TMEM132B: variants seen among roughly 807,000 people sequenced by gnomAD.
The protein encoded by TMEM132B is transmembrane protein 132B.
In TMEM132B, 18 loss-of-function variants were observed where a neutral mutation model predicts 90.8. The ratio of observed to expected loss-of-function variants is 0.20; its 90% CI spans 0.14 to 0.29. TMEM132B has a LOEUF of 0.29. Ranked by LOEUF, TMEM132B falls within the 10% of genes least tolerant of loss-of-function variation. The pLI, the probability that TMEM132B is intolerant of heterozygous loss-of-function variation, is 1.00. For synonymous variants in TMEM132B, 504 were observed against 523.3 expected, an observed-to-expected ratio of 0.96 and a Z score of 0.50; for missense variants, 1,096 against 1,326.8, an observed-to-expected ratio of 0.83 and a Z score of 2.70.
At chr12:125,401,091 T>A (rs1879307873) in intron 2 of TMEM132B, among the ~76,000 whole-genome samples, 1 of 152,228 alleles carries the variant, frequency 6.6e-6, no homozygotes, top group Non-Finnish European at 1.5e-5. Context: ...AGGGTTCTGA[T>A]GCCTTCACCC....
At chr12:125,588,076 T>C (rs1885222088) in intron 5 of TMEM132B, 1 of 152,126 alleles carries the variant, frequency 6.6e-6, no homozygotes, top group East Asian at 1.9e-4. Context: ...AGTTGAAAGG[T>C]ACCAGTTTTA....
intron 1 of TMEM132B, among the ~76,000 whole-genome samples, chr12:125,276,178 CT>C (rs1309183122): frequency 1.3e-5 from 2 of 152,272 alleles, no homozygotes; most frequent in Admixed American, 1.3e-4. Context: ...TAGTTTACAT[CT>C]GTTGGATATT....
At chr12:125,427,530 G>T (rs1022415666) in intron 3 of TMEM132B, among the ~76,000 whole-genome samples, 1 of 152,148 alleles carries the variant, frequency 6.6e-6, no homozygotes, top group African/African-American at 2.4e-5. Flanking sequence ...CGCTCTTTTC[G>T]CAGTATCAGA....
intron 2 of TMEM132B, among the ~76,000 whole-genome samples, chr12:125,387,564 T>C (rs753176936): frequency 2.0e-5 from 3 of 152,198 alleles, no homozygotes; most frequent in Non-Finnish European, 4.4e-5. Context: ...GAAAAGCTAT[T>C]GTGGATACCT....
Position 125,424,750 on chromosome 12 carries a change from T to A in TMEM132B, c.1106+9073T>A, listed in dbSNP as rs570839410. Among the ~76,000 whole-genome samples, 3 of 152,262 alleles carry A rather than the reference T, an allele frequency of 2.0e-5. No homozygotes were observed. The East Asian group carries it at 5.8e-4, about 30-fold the overall frequency. On this transcript the variant is annotated intron_variant, in intron 3 of 8. Transcript: ENST00000682704. ...GTAAAGGCAGATTTTATTCAGAGAC[T>A]CTTCCTGCAACAGTGGAAAAGAGAC...
chr12:125,613,165 T>A (rs1885899776), intron 5 of TMEM132B, among the ~76,000 whole-genome samples: 1 of 125,110 alleles, frequency 8.0e-6, no homozygotes, highest in Admixed American at 1.0e-4. Context: ...TATATATTTA[T>A]ATATTATATA....
chr12:125,447,229 T>C (rs1881028212), intron 3 of TMEM132B, among the ~76,000 whole-genome samples: 1 of 152,182 alleles, frequency 6.6e-6, no homozygotes. Flanking sequence ...TAATCTGTGG[T>C]CTTACTATGT....
chr12:125,639,995 G>A (rs140687437), intron 5 of TMEM132B, among the ~76,000 whole-genome samples: 12 of 152,256 alleles, frequency 7.9e-5, no homozygotes, highest in Admixed American at 2.0e-4. Flanking sequence ...TCGAGGGCCC[G>A]GGTTCCTTAG....
intron 1 of TMEM132B, among the ~76,000 whole-genome samples, chr12:125,312,817 C>G (rs574444002): frequency 6.6e-6 from 1 of 152,304 alleles, no homozygotes; most frequent in East Asian, 1.9e-4. Context: ...CTGCTGTCTT[C>G]TGTGCTATTG....
At chr12:125,578,786 A>G (rs770829404) in intron 4 of TMEM132B, among the ~76,000 whole-genome samples, 4 of 152,052 alleles carry the variant, frequency 2.6e-5, no homozygotes, top group Non-Finnish European at 5.9e-5. Context: ...TTTTGCCTCC[A>G]GTTTCTGATA....
chr12:125,486,669 C>A (rs1489372036), intron 3 of TMEM132B, among the ~76,000 whole-genome samples: 3 of 152,210 alleles, frequency 2.0e-5, no homozygotes, highest in Non-Finnish European at 2.9e-5. Context: ...ATATTGACTT[C>A]TAAATATCAA....
intron 1 of TMEM132B, among the ~76,000 whole-genome samples, chr12:125,255,310 T>A (rs1258255735): frequency 6.6e-6 from 1 of 151,552 alleles, no homozygotes; most frequent in Non-Finnish European, 1.5e-5. Context: ...TCACCCCCCC[T>A]CCTCTCTTCT....
At chr12:125,352,837 G>A (rs1196237384) in intron 2 of TMEM132B, among the ~76,000 whole-genome samples, 4 of 152,188 alleles carry the variant, frequency 2.6e-5, no homozygotes, top group Non-Finnish European at 1.5e-5. Flanking sequence ...AGGATTCCGA[G>A]GCTCTGGCAG....
chr12:125,401,340 C>T (rs1879315793), intron 2 of TMEM132B, among the ~76,000 whole-genome samples: 1 of 152,134 alleles, frequency 6.6e-6, no homozygotes, highest in Admixed American at 6.5e-5. Context: ...GTGGGAGAGA[C>T]AGATAATAAA....
At chr12:125,192,330 T>A (rs1872813510) in intron 1 of TMEM132B, among the ~76,000 whole-genome samples, 2 of 152,332 alleles carry the variant, frequency 1.3e-5, no homozygotes, top group South Asian at 4.2e-4. Context: ...TCTTAGCTAC[T>A]ACATTCAGTT....
intron 3 of TMEM132B, among the ~76,000 whole-genome samples, chr12:125,455,379 C>T (rs2136458869): frequency 6.6e-6 from 1 of 152,262 alleles, no homozygotes; most frequent in Middle Eastern, 3.4e-3. Flanking sequence ...GAATCACAGC[C>T]TGTGCTTAGT....
At chr12:125,446,580 CA>C (rs1881011208) in intron 3 of TMEM132B, among the ~76,000 whole-genome samples, 1 of 151,994 alleles carries the variant, frequency 6.6e-6, no homozygotes, top group South Asian at 2.1e-4. Context: ...TGTATAGATG[CA>C]AATAAAAATA....
chr12:125,545,763 A>G (rs1452009517), intron 4 of TMEM132B, among the ~76,000 whole-genome samples: 1 of 152,194 alleles, frequency 6.6e-6, no homozygotes, highest in Non-Finnish European at 1.5e-5. Context: ...GAGACAAGAG[A>G]TAATGAGAAC....
intron 3 of TMEM132B, among the ~76,000 whole-genome samples, chr12:125,471,563 C>T (rs892843427): frequency 2.2e-4 from 34 of 152,140 alleles, no homozygotes; most frequent in Non-Finnish European, 4.1e-4. Flanking sequence ...CCCCAGTGGA[C>T]GTCGGGTTGG....
Sources: gnomAD v4.1 joint callset for allele counts (sites outside exome capture counted in the v4.1 genomes callset) on GRCh38, gnomAD v4.1.1 for gene constraint, MANE v1.5 for transcripts, NCBI Gene and HGNC (gene_info 2026-07-23, HGNC 2026-07-21) for gene names.